GLO1: variants seen among roughly 807,000 people sequenced by gnomAD.
GLO1 encodes glyoxalase I.
In GLO1, 28 loss-of-function variants were observed where a neutral mutation model predicts 26.0. The observed-to-expected ratio is 1.08, with a 90% CI of 0.80 to 1.48. The LOEUF (loss-of-function observed/expected upper bound fraction) is 1.48. Ranked by LOEUF, GLO1 falls within the 40% of genes most tolerant of loss-of-function variation. GLO1 has a pLI of 0.00. For synonymous variants in GLO1, 78 were observed against 77.6 expected, an observed-to-expected ratio of 1.00 and a Z score of -0.03; for missense variants, 225 against 224.8, an observed-to-expected ratio of 1.00 and a Z score of -0.01.
intron 3 of GLO1, among the ~76,000 whole-genome samples, chr6:38,684,120 A>C (rs902470678): frequency 1.3e-5 from 2 of 152,084 alleles, no homozygotes; most frequent in Non-Finnish European, 2.9e-5. Flanking sequence ...GGTGCTCAGG[A>C]GGCTGAGGCA....
At chr6:38,686,081 T>TATTC (rs1562484551) in intron 2 of GLO1, among the ~76,000 whole-genome samples, 2 of 152,232 alleles carry the variant, frequency 1.3e-5, no homozygotes, top group Non-Finnish European at 2.9e-5. Context: ...GTCATAAATA[T>TATTC]ATTCATAATA....
At chr6:38,693,024 G>A (rs376912203) in intron 1 of GLO1, among the ~76,000 whole-genome samples, 277 of 152,056 alleles carry the variant, frequency 1.8e-3, no homozygotes, top group African/African-American at 6.3e-3. Context: ...TTGGTATCAG[G>A]GTAATATTAG....
rs760774124 is a variant in GLO1 at position 38,684,404 on chromosome 6, A to G, written c.278T>C (p.Leu93Pro). Residue 93 changes from leucine to proline, a missense_variant, in exon 3 of 6, where the codon CTC becomes CCC. Physicochemically the swap from Leu to Pro is moderately conservative, Grantham distance 98 (BLOSUM62 -3). Transcript: ENST00000373365. ...KEKDEKIAWA[L>P]SRKATLELTH... ...CAGCTCAAGTGTAGCTTTTCTGGAGAGCGCCCAGGCTATTTTTTCATCTTT... is the reference window on the plus strand; with the variant it reads ...CAGCTCAAGTGTAGCTTTTCTGGAGGGCGCCCAGGCTATTTTTTCATCTTT... 9.0e-6 allele frequency: 14 copies of G among 1,548,250 alleles called. No individual in the cohort carries two copies. In the South Asian group the frequency reaches 1.6e-4, roughly 18 times the overall value.
intron 1 of GLO1, among the ~76,000 whole-genome samples, chr6:38,702,299 G>C (rs1027430711): frequency 5.9e-5 from 9 of 152,208 alleles, no homozygotes; most frequent in African/African-American, 2.2e-4. Flanking sequence ...ACCCAGTAAA[G>C]ACATGTTCGG....
At chr6:38,695,490 C>T (rs59905759) in intron 1 of GLO1, among the ~76,000 whole-genome samples, 1,846 of 152,170 alleles carry the variant, frequency 0.012, 39 homozygotes, top group African/African-American at 0.041. Flanking sequence ...TACCTTCTCC[C>T]GCTTATAATT....
chr6:38,702,097 AT>A (rs1162027634), intron 1 of GLO1, among the ~76,000 whole-genome samples: 1 of 151,764 alleles, frequency 6.6e-6, no homozygotes, highest in Non-Finnish European at 1.5e-5. Flanking sequence ...CGCCCAGCTC[AT>A]TTTTTTGTAT....
At chr6:38,695,996 C>T (rs1761606401) in intron 1 of GLO1, among the ~76,000 whole-genome samples, 2 of 152,302 alleles carry the variant, frequency 1.3e-5, no homozygotes, top group South Asian at 2.1e-4. Flanking sequence ...ACCTTCTTCT[C>T]ACCACCTTTC....
Position 38,682,893 on chromosome 6 carries a change from A to C in GLO1, c.309-18T>G, listed in dbSNP as rs1761403572. 1 of 1,425,450 alleles carries C rather than the reference A, an allele frequency of 7.0e-7. No individual in the cohort carries two copies. Among genetic ancestry groups the C allele is most frequent in the Non-Finnish European group, 9.9e-7 (1 of 1,006,658 alleles). The allele number at this position is 1,425,450 out of a possible 1,614,324, so 88.3% of individuals were successfully genotyped here. A position where few individuals can be genotyped will look rare whatever the true frequency, so the allele number is the denominator to read the frequency against. Reference sequence around the variant, plus strand: ...CCCAATTGCTACAAAAGGAAGGAAAACATAGCTACAATGTCCTAGGGAATA... The same window carrying C: ...CCCAATTGCTACAAAAGGAAGGAAACCATAGCTACAATGTCCTAGGGAATA... On this transcript the variant is annotated intron_variant, in intron 3 of 5. Coordinates refer to ENST00000373365, the MANE Select transcript of GLO1 (RefSeq NM_006708.3).
chr6:38,692,614 A>G (rs1030333571), intron 1 of GLO1, among the ~76,000 whole-genome samples: 1 of 152,038 alleles, frequency 6.6e-6, no homozygotes, highest in African/African-American at 2.4e-5. Context: ...TTGTCTTATT[A>G]CCAAAATTAG....
chr6:38,678,697 G>A lies in GLO1; in HGVS notation c.467-1314C>T, dbSNP rs533179266. On this transcript the variant is annotated intron_variant, in intron 5 of 5. Coordinates refer to ENST00000373365, the MANE Select transcript of GLO1 (RefSeq NM_006708.3). Reference sequence around the variant, plus strand: ...AGGAGCCTTGTGCTTGTGAGAAACTGAGAAAAACTGGTAGGGCCGAATGAT... The same window carrying A: ...AGGAGCCTTGTGCTTGTGAGAAACTAAGAAAAACTGGTAGGGCCGAATGAT... 2.0e-5 allele frequency among the ~76,000 whole-genome samples: 3 copies of A among 152,332 alleles called. 1 individual carries two copies. In the South Asian group the frequency reaches 6.2e-4, roughly 32 times the overall value.
At position 38,696,015 on chromosome 6, in the gene GLO1, C is replaced by G. The variant is rs564839902; in HGVS notation, c.84+6956G>C. On this transcript the variant is annotated intron_variant, in intron 1 of 5. Coordinates refer to ENST00000373365, the MANE Select transcript of GLO1 (RefSeq NM_006708.3). The stretch of plus-strand genomic sequence containing the variant: ...TCTTCTCACCACCTTTCAGAGTCTT[C>G]CAATGTTTGTCTTATATATCATGTC... Among the ~76,000 whole-genome samples the G allele has an allele frequency of 5.2e-4, 79 of 152,260 alleles. 1 individual carries two copies. Among genetic ancestry groups the G allele is most frequent in the African/African-American group, 1.6e-3 (65 of 41,550 alleles).
At chr6:38,697,347 T>C (rs1761627551) in intron 1 of GLO1, among the ~76,000 whole-genome samples, 1 of 152,220 alleles carries the variant, frequency 6.6e-6, no homozygotes, top group African/African-American at 2.4e-5. Context: ...AAGTATCAGG[T>C]GTTCCTCTTC....
intron 3 of GLO1, among the ~76,000 whole-genome samples, chr6:38,683,650 G>A (rs1048066043): frequency 1.3e-5 from 2 of 152,120 alleles, no homozygotes; most frequent in South Asian, 2.1e-4. Flanking sequence ...CACTTTGGGC[G>A]GCCGAGGCAG....
intron 1 of GLO1, among the ~76,000 whole-genome samples, chr6:38,691,274 A>C (rs528340125): frequency 1.0e-3 from 158 of 152,114 alleles, no homozygotes; most frequent in Middle Eastern, 3.4e-3. Context: ...GGGAAGTGTC[A>C]TTCTCCAAAT....
intron 1 of GLO1, among the ~76,000 whole-genome samples, chr6:38,700,214 G>A (rs1016464784): frequency 1.3e-5 from 2 of 152,160 alleles, no homozygotes; most frequent in Non-Finnish European, 2.9e-5. Flanking sequence ...GGTTCCCCCC[G>A]TATCAAAACA....
At chr6:38,690,245 A>C (rs1196539088) in intron 1 of GLO1, among the ~76,000 whole-genome samples, 1 of 152,220 alleles carries the variant, frequency 6.6e-6, no homozygotes, top group Non-Finnish European at 1.5e-5. Context: ...TGTAATCTTC[A>C]CAACAAGCCC....
intron 1 of GLO1, among the ~76,000 whole-genome samples, chr6:38,693,196 T>C (rs2894415): frequency 0.05 from 7,650 of 152,268 alleles, 291 homozygotes; most frequent in East Asian, 0.2. Context: ...ATAAATTCAA[T>C]TGCCTTAAGT....
intron 2 of GLO1, among the ~76,000 whole-genome samples, chr6:38,686,567 T>C (rs1215014577): frequency 6.6e-6 from 1 of 152,194 alleles, no homozygotes; most frequent in African/African-American, 2.4e-5. Flanking sequence ...ATCTATAACT[T>C]TTCTGAAGTA....
chr6:38,692,335 T>C (rs1460762181), intron 1 of GLO1, among the ~76,000 whole-genome samples: 1 of 152,202 alleles, frequency 6.6e-6, no homozygotes, highest in African/African-American at 2.4e-5. Flanking sequence ...TTTTGGTGCC[T>C]GTGTGTTCTT....
Sources: allele counts gnomAD v4.1 joint callset (sites outside exome capture counted in the v4.1 genomes callset), GRCh38; gene constraint gnomAD v4.1.1; transcripts MANE v1.5; gene names NCBI Gene and HGNC (gene_info 2026-07-23, HGNC 2026-07-21).